The following POLD3 variants were observed in gnomAD, a reference collection of about 807,000 sequenced individuals.
POLD3 encodes DNA polymerase delta subunit 3.
A neutral mutation model predicts 58.2 loss-of-function variants in POLD3; 19 were observed. That is an observed-to-expected ratio of 0.33 (90% CI 0.23 to 0.48). The LOEUF (loss-of-function observed/expected upper bound fraction) is 0.48. Ranked by LOEUF, POLD3 falls within the 20% of genes least tolerant of loss-of-function variation. POLD3 has a pLI of 0.99. For synonymous variants in POLD3, 172 were observed against 193.5 expected (o/e 0.89, Z 0.92); for missense variants, 504 against 545.5 (o/e 0.92, Z 0.76).
chr11:74,597,809 C>A (rs1189546591), intron 2 of POLD3, among the ~76,000 whole-genome samples: 1 of 152,144 alleles, frequency 6.6e-6, no homozygotes, highest in Non-Finnish European at 1.5e-5. Context: ...TGTGGTGGCT[C>A]AGTTGTATTA....
In POLD3 at chr11:74,641,932, T is replaced by C. The variant is rs1043063301; in HGVS notation, c.*1166T>C. 2.1e-5 allele frequency: 21 copies of C among 985,362 alleles called. No individual in the cohort carries two copies. In the African/African-American group the frequency reaches 3.5e-4, roughly 16 times the overall value. The allele number at this position is 985,362 out of a possible 1,614,324, so 61.0% of individuals were successfully genotyped here. A position where few individuals can be genotyped will look rare whatever the true frequency, so the allele number is the denominator to read the frequency against. On this transcript the variant is annotated 3_prime_UTR_variant, in exon 12 of 12. Transcript: ENST00000263681. ...ACTTATGGAAAATCATCTATTACAA[T>C]GATAACCTTCAAGTGACTTCCATTA...
At chr11:74,599,742 A>G (rs923201416) in intron 2 of POLD3, among the ~76,000 whole-genome samples, 5 of 152,032 alleles carry the variant, frequency 3.3e-5, no homozygotes, top group Non-Finnish European at 5.9e-5. Context: ...CCCCTGGTTG[A>G]TTTAAACAAG....
At chr11:74,653,804 G>A (rs1337267723) in intron 4 of POLD3, among the ~76,000 whole-genome samples, 1 of 151,984 alleles carries the variant, frequency 6.6e-6, no homozygotes, top group Admixed American at 6.6e-5. Flanking sequence ...GTCTGTTCTT[G>A]CGTTGCTGTA....
chr11:74,622,061 C>T (rs1308158547), intron 7 of POLD3, among the ~76,000 whole-genome samples: 1 of 149,054 alleles, frequency 6.7e-6, no homozygotes, highest in Non-Finnish European at 1.5e-5. Context: ...TGATGTTCCC[C>T]TTCCTGTGTC....
intron 4 of POLD3, among the ~76,000 whole-genome samples, chr11:74,666,647 A>G (rs1415485745): frequency 6.6e-6 from 1 of 152,202 alleles, no homozygotes; most frequent in East Asian, 1.9e-4. Context: ...TTAAGATGGC[A>G]ATACTCCCTA....
intron 3 of POLD3, 36 bp downstream of exon 3, chr11:74,604,830 GTT>G: frequency 4.5e-6 from 5 of 1,101,400 alleles, no homozygotes; most frequent in Non-Finnish European, 7.0e-6. Flanking sequence ...GCTTAAATGT[GTT>G]TGTGTTATGA....
chr11:74,596,740 T>C (rs1435964568), intron 2 of POLD3, among the ~76,000 whole-genome samples: 1 of 152,180 alleles, frequency 6.6e-6, no homozygotes, highest in Non-Finnish European at 1.5e-5. Flanking sequence ...TATGTATCCT[T>C]TAGACCCACA....
chr11:74,592,798 TG>T (rs1267308662), intron 1 of POLD3, 80 bp downstream of exon 1: 1 of 1,577,164 alleles, frequency 6.3e-7, no homozygotes, highest in Non-Finnish European at 8.6e-7. Flanking sequence ...CTTGACCCTC[TG>T]TCTGCTTGTG....
At chr11:74,632,259 A>G (rs2032616196) in intron 9 of POLD3, among the ~76,000 whole-genome samples, 2 of 152,176 alleles carry the variant, frequency 1.3e-5, no homozygotes, top group Admixed American at 1.3e-4. Flanking sequence ...TCTTTGACAC[A>G]CTGGATCTCT....
At chr11:74,644,652 T>C (rs557266355), downstream of POLD3, among the ~76,000 whole-genome samples, 21 of 152,328 alleles carry the variant, frequency 1.4e-4, 1 homozygote, top group East Asian at 4.0e-3. Flanking sequence ...TATTTTTCCA[T>C]TGGATCAGAA....
At chr11:74,611,442 G>A in intron 3 of POLD3, 57 bp from the exon 4 acceptor site, 1 of 1,029,784 alleles carries the variant, frequency 9.7e-7, no homozygotes, top group South Asian at 1.3e-5. Flanking sequence ...TTGGAGCAAG[G>A]AAACTAAAAT....
rs898693620 is a variant in POLD3 at position 74,640,736 on chromosome 11, G to T, written c.1371G>T (p.Val457=). Residue 457 remains valine, a synonymous_variant, in exon 12 of 12, where the codon GTG becomes GTT. Coordinates refer to ENST00000263681, the MANE Select transcript of POLD3 (RefSeq NM_006591.3). ...CTCTGGGCAAAGCCAACAGACAGGTGTCCATTACTGGCTTCTTCCAGAGGA... is the reference window on the plus strand; with the variant it reads ...CTCTGGGCAAAGCCAACAGACAGGTTTCCATTACTGGCTTCTTCCAGAGGA... ...TAALGKANRQ[V]SITGFFQRK 2 of 1,602,464 alleles carry T rather than the reference G, an allele frequency of 1.2e-6. No homozygotes were observed. The highest frequency in any genetic ancestry group is 2.2e-5 in the East Asian group (1 of 44,694).
At chr11:74,633,954 C>G (rs1429154690) in intron 9 of POLD3, among the ~76,000 whole-genome samples, 3 of 152,308 alleles carry the variant, frequency 2.0e-5, no homozygotes, top group African/African-American at 7.2e-5. Flanking sequence ...TGGAAATTTT[C>G]AGTCTAAGAA....
chr11:74,617,918 C>T (rs1232397105), intron 5 of POLD3, among the ~76,000 whole-genome samples: 2 of 152,114 alleles, frequency 1.3e-5, no homozygotes, highest in Non-Finnish European at 2.9e-5. Flanking sequence ...AAGGTTTCAC[C>T]ATGTTGCCCA....
chr11:74,600,040 A>T (rs2031432292), intron 2 of POLD3, among the ~76,000 whole-genome samples: 1 of 151,484 alleles, frequency 6.6e-6, no homozygotes, highest in African/African-American at 2.4e-5. Context: ...CCGCCTTTAG[A>T]ATTCAAGCAA....
At chr11:74,654,259 C>G (rs898403342) in intron 4 of POLD3, among the ~76,000 whole-genome samples, 18 of 152,152 alleles carry the variant, frequency 1.2e-4, no homozygotes, top group African/African-American at 3.9e-4. Flanking sequence ...AGAAAAAGAC[C>G]ATGCGTACAC....
chr11:74,618,845 G>A, intron 6 of POLD3, 41 bp downstream of exon 6: 1 of 1,535,334 alleles, frequency 6.5e-7, no homozygotes, highest in Non-Finnish European at 8.9e-7. Context: ...GCAGCTCAGA[G>A]TGGGTAACTA....
intron 5 of POLD3, among the ~76,000 whole-genome samples, chr11:74,615,555 A>G (rs958932600): frequency 6.6e-6 from 1 of 152,252 alleles, no homozygotes; most frequent in Non-Finnish European, 1.5e-5. Flanking sequence ...AAATATGGAC[A>G]GCTCTTTCCA....
At position 74,604,690 on chromosome 11, in the gene POLD3, A is replaced by G. The variant is rs746208018; in HGVS notation, c.117-2A>G. Reference sequence around the variant, plus strand: ...ACTTGTGCCTTCTTTTCTTTGGAATAGGATGCTGTATGATTATGTTGAAAG... The same window carrying G: ...ACTTGTGCCTTCTTTTCTTTGGAATGGGATGCTGTATGATTATGTTGAAAG... On this transcript the variant is annotated splice_acceptor_variant, in intron 2 of 11. Transcript: ENST00000263681. LOFTEE classifies it high-confidence loss of function. The G allele has an allele frequency of 6.5e-7, 1 of 1,536,780 alleles. No homozygotes were observed. Among genetic ancestry groups the G allele is most frequent in the South Asian group, 1.1e-5 (1 of 89,292 alleles).
Sources: gnomAD v4.1 joint callset for allele counts (sites outside exome capture counted in the v4.1 genomes callset) on GRCh38, gnomAD v4.1.1 for gene constraint, MANE v1.5 for transcripts, NCBI Gene and HGNC (gene_info 2026-07-23, HGNC 2026-07-21) for gene names.